PDE8A: variants seen among roughly 807,000 people sequenced by gnomAD.
PDE8A encodes phosphodiesterase 8A.
PDE8A carries 59 observed loss-of-function variants against 105.0 expected under a neutral mutation model. That is an observed-to-expected ratio of 0.56 (90% CI 0.46 to 0.70). The LOEUF is 0.70. Ranked by LOEUF, PDE8A falls within the 30% of genes least tolerant of loss-of-function variation. The pLI is 0.00. For synonymous variants in PDE8A, 355 were observed against 371.9 expected, an observed-to-expected ratio of 0.95 and a Z score of 0.52; for missense variants, 1,014 against 1,045.9, an observed-to-expected ratio of 0.97 and a Z score of 0.42.
chr15:84,996,017 T>C (rs2079969951), intron 1 of PDE8A, among the ~76,000 whole-genome samples: 1 of 152,228 alleles, frequency 6.6e-6, no homozygotes, highest in African/African-American at 2.4e-5. Flanking sequence ...TCTGTGAATT[T>C]TTCATGTTTG....
rs2081240482 is a variant in PDE8A at position 85,067,043 on chromosome 15, C to T, written c.273C>T (p.Asn91=). The change falls in exon 3 of 22, where the codon AAC becomes AAT. Residue 91 remains asparagine, a synonymous_variant. Transcript: ENST00000394553. ...TTTTAGTGTTTACCAAAGAAGATAA[C>T]CAATGTAATGGATTCTGCAGGGCAT... is the stretch of plus-strand genomic sequence containing the variant. ...QVLLVFTKED[N]QCNGFCRACE... is the part of the protein sequence containing the mutation. 6.2e-7 allele frequency: 1 copy of T among 1,608,866 alleles called. No homozygotes were observed. The highest frequency in any genetic ancestry group is 8.5e-7 in the Non-Finnish European group (1 of 1,177,816).
intron 1 of PDE8A, among the ~76,000 whole-genome samples, chr15:85,013,226 G>C (rs936059829): frequency 2.0e-5 from 3 of 152,142 alleles, no homozygotes; most frequent in African/African-American, 7.2e-5. Flanking sequence ...TGATCCTGAT[G>C]GGCTTGATAG....
chr15:85,059,438 A>C (rs2081111408), intron 1 of PDE8A, among the ~76,000 whole-genome samples: 1 of 152,200 alleles, frequency 6.6e-6, no homozygotes, highest in South Asian at 2.1e-4. Flanking sequence ...TGAAGTCTTC[A>C]ACTATAATTT....
chr15:84,988,229 C>T (rs1296449965), intron 1 of PDE8A, among the ~76,000 whole-genome samples: 1 of 152,210 alleles, frequency 6.6e-6, no homozygotes, highest in Non-Finnish European at 1.5e-5. Context: ...CTGGCTCTCA[C>T]CTGTTAGGTT....
chr15:84,988,578 C>G (rs1238767709), intron 1 of PDE8A, among the ~76,000 whole-genome samples: 1 of 152,208 alleles, frequency 6.6e-6, no homozygotes, highest in Non-Finnish European at 1.5e-5. Flanking sequence ...GCTCAGGTTT[C>G]AGGCAGCCTG....
chr15:85,050,067 T>C (rs1389707995), intron 1 of PDE8A, among the ~76,000 whole-genome samples: 12 of 152,206 alleles, frequency 7.9e-5, no homozygotes, highest in African/African-American at 2.9e-4. Context: ...TGGTTATTGA[T>C]ATTGAGCATC....
intron 1 of PDE8A, among the ~76,000 whole-genome samples, chr15:85,055,582 T>C (rs1035526689): frequency 1.3e-5 from 2 of 152,192 alleles, no homozygotes; most frequent in African/African-American, 4.8e-5. Context: ...CTTGGTCTCT[T>C]TTGATCTTTG....
intron 1 of PDE8A, among the ~76,000 whole-genome samples, chr15:85,022,263 T>G (rs985930267): frequency 2.0e-5 from 3 of 152,088 alleles, no homozygotes; most frequent in Admixed American, 6.5e-5. Context: ...TCAGCATTGG[T>G]CCAAAGACAT....
chr15:85,027,362 T>A (rs981929578), intron 1 of PDE8A, among the ~76,000 whole-genome samples: 1 of 152,182 alleles, frequency 6.6e-6, no homozygotes, highest in African/African-American at 2.4e-5. Context: ...GAACTATTCA[T>A]AATAATAAAG....
intron 20 of PDE8A, among the ~76,000 whole-genome samples, chr15:85,133,287 TC>T (rs2082355149): frequency 6.6e-6 from 1 of 152,146 alleles, no homozygotes; most frequent in Admixed American, 6.5e-5. Flanking sequence ...ATATTGGTCA[TC>T]CCCCTGCAGC....
At chr15:85,025,590 C>T (rs1229055869) in intron 1 of PDE8A, among the ~76,000 whole-genome samples, 1 of 152,212 alleles carries the variant, frequency 6.6e-6, no homozygotes, top group African/African-American at 2.4e-5. Flanking sequence ...ATCATCCCCC[C>T]TCTTTTTTAG....
intron 8 of PDE8A, among the ~76,000 whole-genome samples, chr15:85,095,151 C>T (rs1024813757): frequency 2.0e-5 from 3 of 152,220 alleles, no homozygotes; most frequent in African/African-American, 4.8e-5. Flanking sequence ...AGGTAATAGT[C>T]TTACTCCTGT....
rs372542306 is a variant in PDE8A at position 85,130,671 on chromosome 15, A to T, written c.2253+4297A>T. Among the ~76,000 whole-genome samples the T allele has an allele frequency of 4.6e-5, 7 of 152,214 alleles. No homozygotes were observed. The East Asian group carries it at 9.6e-4, about 21-fold the overall frequency. On this transcript the variant is annotated intron_variant, in intron 20 of 21. Coordinates refer to ENST00000394553, the MANE Select transcript of PDE8A (RefSeq NM_002605.3). ...TATTGAAGTCTCCAGCCATTATTTT[A>T]GAAGTATCTGTTTCTTCCTTCAGTT...
intron 8 of PDE8A, among the ~76,000 whole-genome samples, chr15:85,095,794 C>G (rs2081737764): frequency 6.6e-6 from 1 of 151,732 alleles, no homozygotes; most frequent in African/African-American, 2.4e-5. Flanking sequence ...CTGGAATGGC[C>G]TGTTAGCCTT....
chr15:85,122,652 A>T (rs1246047269), intron 18 of PDE8A, among the ~76,000 whole-genome samples: 3 of 152,232 alleles, frequency 2.0e-5, no homozygotes, highest in African/African-American at 7.2e-5. Flanking sequence ...TACTAAAATA[A>T]AAGCAAGGGT....
At chr15:85,078,639 A>T (rs1232710664) in intron 5 of PDE8A, among the ~76,000 whole-genome samples, 3 of 152,148 alleles carry the variant, frequency 2.0e-5, no homozygotes, top group Non-Finnish European at 4.4e-5. Flanking sequence ...TGAAGGTGAA[A>T]TAAAGACTTT....
rs546194907 is a variant in PDE8A at position 85,119,468 on chromosome 15, C to CAAAAAAAAAAAAAAAAA, written c.1735-1316_1735-1315insAAAAAAAAAAAAAAAAA. ...GGGTGACAGAGCAAGACTCTCGTCT[C>CAAAAAAAAAAAAAAAAA]AAAAAAAAAAAAACATTTATTGAAA... On this transcript the variant is annotated intron_variant, in intron 17 of 21. Transcript: ENST00000394553. 2.7e-3 allele frequency among the ~76,000 whole-genome samples: 156 copies of CAAAAAAAAAAAAAAAAA among 58,486 alleles called. 11 individuals carry two copies. The highest frequency in any genetic ancestry group is 0.011 in the Middle Eastern group (1 of 90). 38.4% of individuals were successfully genotyped at this position (58,486 alleles called of 152,430 possible).
rs2081603637 is a variant in PDE8A, at chr15:85,089,338, G to A, written c.636G>A (p.Arg212=). ...TTCCTTTTTTTGTTTACTCATAAAG[G>A]GCTTGTAACTCAGTATTCACTGCAT... ...FGEVRSQLKL[R]ACNSVFTALE... Residue 212 remains arginine (R), a splice_region_variant and synonymous_variant, in exon 7 of 22, where the codon AGG becomes AGA. Transcript: ENST00000394553. 2 of 1,526,056 alleles carry A rather than the reference G, an allele frequency of 1.3e-6. No individual in the cohort carries two copies. The highest frequency in any genetic ancestry group is 1.8e-6 in the Non-Finnish European group (2 of 1,108,948). 94.5% of individuals were successfully genotyped at this position (1,526,056 alleles called of 1,614,324 possible). A position where few individuals can be genotyped will look rare whatever the true frequency, so the allele number is the denominator to read the frequency against.
chr15:85,135,373 C>T (rs1262486016), intron 20 of PDE8A, among the ~76,000 whole-genome samples: 1 of 152,146 alleles, frequency 6.6e-6, no homozygotes, highest in Non-Finnish European at 1.5e-5. Context: ...AGAGTGACCC[C>T]CAGAGGGCTG....
Sources: gnomAD v4.1 joint callset for allele counts (sites outside exome capture counted in the v4.1 genomes callset) on GRCh38, gnomAD v4.1.1 for gene constraint, MANE v1.5 for transcripts, NCBI Gene and HGNC (gene_info 2026-07-23, HGNC 2026-07-21) for gene names.